The following CSMD2 variants were observed in gnomAD, a reference collection of about 807,000 sequenced individuals.
CSMD2 encodes CUB and Sushi multiple domains 2, also known as CUB and sushi domain-containing protein 2.
A neutral mutation model predicts 398.5 loss-of-function variants in CSMD2; 130 were observed. That is an observed-to-expected ratio of 0.33 (90% CI 0.28 to 0.38). The LOEUF is 0.38. Among genes scored for constraint, CSMD2 ranks in the 10% least tolerant of loss-of-function variants. The pLI, the probability that CSMD2 is intolerant of heterozygous loss-of-function variation, is 1.00. For synonymous variants in CSMD2, 1,828 were observed against 1,908.5 expected, an observed-to-expected ratio of 0.96 and a Z score of 1.10; for missense variants, 3,829 against 4,764.9, an observed-to-expected ratio of 0.80 and a Z score of 5.78.
At chr1:33,892,762 A>G (rs569357380) in intron 5 of CSMD2, among the ~76,000 whole-genome samples, 1 of 152,316 alleles carries the variant, frequency 6.6e-6, no homozygotes, top group Admixed American at 6.5e-5. Context: ...TGCAATTGCA[A>G]ATTGTGCTAC....
intron 6 of CSMD2, among the ~76,000 whole-genome samples, chr1:33,826,344 C>T (rs1007094264): frequency 6.6e-6 from 1 of 152,166 alleles, no homozygotes; most frequent in Non-Finnish European, 1.5e-5. Context: ...TTGTGACTTG[C>T]TTTGGCCATG....
chr1:33,532,618 C>T (rs538702220), intron 64 of CSMD2, among the ~76,000 whole-genome samples: 9 of 152,168 alleles, frequency 5.9e-5, no homozygotes, highest in Admixed American at 2.0e-4. Context: ...TCATGCCTAG[C>T]GCAAGCATGG....
chr1:33,987,506 T>A (rs1404476439), intron 3 of CSMD2, among the ~76,000 whole-genome samples: 1 of 152,150 alleles, frequency 6.6e-6, no homozygotes, highest in Non-Finnish European at 1.5e-5. Flanking sequence ...AACCAGTATA[T>A]TAAACATTTA....
chr1:33,839,018 C>T (rs1324927723), intron 6 of CSMD2: 5 of 152,270 alleles, frequency 3.3e-5, no homozygotes, highest in African/African-American at 9.7e-5. Flanking sequence ...GAGATTTCTC[C>T]ATTTACACAA....
At chr1:33,714,477 G>A (rs965124778) in intron 21 of CSMD2, 110 bp downstream of exon 21, 1 of 1,296,740 alleles carries the variant, frequency 7.7e-7, no homozygotes, top group African/African-American at 1.5e-5. Flanking sequence ...TGTGGTAAGT[G>A]TGGGCTAAGT....
At chr1:33,774,561 C>A (rs1268043027) in intron 12 of CSMD2, among the ~76,000 whole-genome samples, 1 of 152,154 alleles carries the variant, frequency 6.6e-6, no homozygotes, top group Non-Finnish European at 1.5e-5. Flanking sequence ...TCACTGCAGG[C>A]ATTTTGAGAC....
intron 60 of CSMD2, among the ~76,000 whole-genome samples, chr1:33,538,609 A>G (rs951007180): frequency 6.6e-6 from 1 of 152,202 alleles, no homozygotes; most frequent in Non-Finnish European, 1.5e-5. Context: ...ATTAGAAGTC[A>G]GTTTAAGAAT....
At chr1:34,043,222 C>T (rs887174362) in intron 2 of CSMD2, among the ~76,000 whole-genome samples, 19 of 152,182 alleles carry the variant, frequency 1.2e-4, no homozygotes, top group African/African-American at 4.3e-4. Context: ...GCTTCTTATA[C>T]TGTCCTTGAA....
intron 53 of CSMD2, among the ~76,000 whole-genome samples, chr1:33,566,534 T>A (rs1392203741): frequency 6.6e-6 from 1 of 152,142 alleles, no homozygotes; most frequent in East Asian, 1.9e-4. Flanking sequence ...AGTTAGCTTA[T>A]AAGGCAATTT....
intron 21 of CSMD2, among the ~76,000 whole-genome samples, chr1:33,711,887 T>G (rs2149161524): frequency 6.6e-6 from 1 of 152,250 alleles, no homozygotes; most frequent in East Asian, 1.9e-4. Context: ...AGGTCCTGAC[T>G]CCCTGTCAGG....
At chr1:33,773,899 C>A (rs899071235) in intron 12 of CSMD2, among the ~76,000 whole-genome samples, 1 of 152,088 alleles carries the variant, frequency 6.6e-6, no homozygotes, top group Non-Finnish European at 1.5e-5. Flanking sequence ...GCTGTCAGAG[C>A]CACAGTCCCT....
chr1:33,715,915 T>A (rs1646151539), intron 20 of CSMD2, among the ~76,000 whole-genome samples: 1 of 152,136 alleles, frequency 6.6e-6, no homozygotes, highest in Non-Finnish European at 1.5e-5. Flanking sequence ...ACCTTTTTTT[T>A]TTTTCATATT....
chr1:33,794,104 C>T (rs1023046450), intron 10 of CSMD2, among the ~76,000 whole-genome samples: 1 of 152,160 alleles, frequency 6.6e-6, no homozygotes, highest in Non-Finnish European at 1.5e-5. Context: ...CTGCAGGTTT[C>T]CTCCATCCAA....
At chr1:34,064,471 CT>C (rs1293688112) in intron 2 of CSMD2, among the ~76,000 whole-genome samples, 2 of 152,162 alleles carry the variant, frequency 1.3e-5, no homozygotes, top group East Asian at 3.9e-4. Context: ...AGTCTCTTTA[CT>C]AAAACATAAC....
At chr1:33,926,582 G>C (rs987311684) in intron 4 of CSMD2, among the ~76,000 whole-genome samples, 5 of 152,140 alleles carry the variant, frequency 3.3e-5, no homozygotes, top group Non-Finnish European at 7.3e-5. Flanking sequence ...GCTGTTTGGA[G>C]GTTTTCTCCC....
intron 1 of CSMD2, among the ~76,000 whole-genome samples, chr1:34,112,435 T>C (rs74538591): frequency 6.6e-6 from 1 of 152,122 alleles, no homozygotes; most frequent in Admixed American, 6.5e-5. Flanking sequence ...GCTCTATCTA[T>C]AGGCACTCCA....
intron 5 of CSMD2, among the ~76,000 whole-genome samples, chr1:33,913,263 C>G (rs1446551629): frequency 6.6e-6 from 1 of 152,184 alleles, no homozygotes; most frequent in African/African-American, 2.4e-5. Context: ...GCAAGGACAT[C>G]CTCCAGTCTC....
At chr1:34,048,139 T>C (rs954648379) in intron 2 of CSMD2, among the ~76,000 whole-genome samples, 11 of 152,242 alleles carry the variant, frequency 7.2e-5, no homozygotes, top group African/African-American at 2.4e-4. Context: ...GAGGTCGTCA[T>C]GTTCCAGAAG....
intron 1 of CSMD2, among the ~76,000 whole-genome samples, chr1:34,099,241 A>G (rs1322193509): frequency 6.6e-6 from 1 of 152,196 alleles, no homozygotes; most frequent in Admixed American, 6.5e-5. Context: ...GCATCATGCC[A>G]TTAATTCCTT....
Sources: allele counts gnomAD v4.1 joint callset (sites outside exome capture counted in the v4.1 genomes callset), GRCh38; gene constraint gnomAD v4.1.1; transcripts MANE v1.5; gene names NCBI Gene and HGNC (gene_info 2026-07-23, HGNC 2026-07-21).